The following RBFOX1 variants were observed in gnomAD, a reference collection of about 807,000 sequenced individuals.
RBFOX1 encodes the protein RNA binding protein fox-1 homolog 1.
Under a neutral mutation model 57.7 loss-of-function variants are expected in RBFOX1, and 8 were observed. That is an observed-to-expected ratio of 0.14 (90% confidence interval 0.08 to 0.25). The LOEUF is 0.25. Ranked by LOEUF, RBFOX1 falls within the 10% of genes least tolerant of loss-of-function variation. RBFOX1 has a pLI of 1.00. For synonymous variants in RBFOX1, 326 were observed against 222.4 expected, an observed-to-expected ratio of 1.47 and a Z score of -4.15; for missense variants, 611 against 548.5, an observed-to-expected ratio of 1.11 and a Z score of -1.14.
At chr16:5,885,074 C>G (rs141698500) in intron 4 of RBFOX1, among the ~76,000 whole-genome samples, 173 of 152,236 alleles carry the variant, frequency 1.1e-3, no homozygotes, top group African/African-American at 4.0e-3. Flanking sequence ...CTTCGGGTCT[C>G]TTGTAGATGA....
chr16:7,514,706 TG>T, intron 4 of RBFOX1, among the ~76,000 whole-genome samples: 1 of 152,078 alleles, frequency 6.6e-6, no homozygotes, highest in Non-Finnish European at 1.5e-5. Flanking sequence ...GAAGACTTGA[TG>T]GGGTTGAGAG....
intron 5 of RBFOX1, among the ~76,000 whole-genome samples, chr16:7,534,902 T>C (rs568767348): frequency 5.3e-5 from 8 of 152,302 alleles, no homozygotes; most frequent in African/African-American, 1.4e-4. Flanking sequence ...TTAGCTCGAA[T>C]GTCAAGCGCT....
rs910358580 is a variant in RBFOX1 at position 7,404,186 on chromosome 16, G to C, written c.28-113961G>C. 2.6e-5 allele frequency among the ~76,000 whole-genome samples: 4 copies of C among 151,908 alleles called. No individual in the cohort carries two copies. The South Asian group carries it at 8.3e-4, about 32-fold the overall frequency. ...TCCTGCCTCAGCCTCCTGAGTAGCT[G>C]TGATTACACGTGTGAGACCCCATAC... On this transcript the variant is annotated intron_variant, in intron 4 of 15. Coordinates refer to ENST00000550418, the MANE Select transcript of RBFOX1 (RefSeq NM_018723.4).
intron 4 of RBFOX1, among the ~76,000 whole-genome samples, chr16:7,316,728 G>A (rs1335930619): frequency 6.6e-6 from 1 of 152,118 alleles, no homozygotes; most frequent in Admixed American, 6.5e-5. Context: ...AAGCTGAGAT[G>A]GAGTGGGAGG....
At chr16:6,566,911 G>C (rs887806316) in intron 2 of RBFOX1, among the ~76,000 whole-genome samples, 2 of 152,094 alleles carry the variant, frequency 1.3e-5, no homozygotes, top group African/African-American at 2.4e-5. Context: ...GCAAGTCTTT[G>C]AACATAGACC....
chr16:6,678,016 T>A (rs890252596), intron 3 of RBFOX1, among the ~76,000 whole-genome samples: 4 of 152,212 alleles, frequency 2.6e-5, no homozygotes, highest in African/African-American at 9.7e-5. Flanking sequence ...GTAGCAACAT[T>A]AAAAAAGCTG....
At chr16:6,477,142 A>G (rs2095286241) in intron 2 of RBFOX1, among the ~76,000 whole-genome samples, 1 of 152,190 alleles carries the variant, frequency 6.6e-6, no homozygotes. Flanking sequence ...GAGAGTTGGA[A>G]TCAACTTATT....
intron 11 of RBFOX1, among the ~76,000 whole-genome samples, chr16:7,641,519 T>A (rs1349663807): frequency 1.3e-5 from 2 of 152,226 alleles, no homozygotes; most frequent in African/African-American, 4.8e-5. Context: ...GAGTTTTGTT[T>A]GTATGCAACA....
At chr16:6,743,701 C>T (rs1005901151) in intron 3 of RBFOX1, among the ~76,000 whole-genome samples, 3 of 151,800 alleles carry the variant, frequency 2.0e-5, no homozygotes, top group African/African-American at 7.3e-5. Context: ...TGTCATCACA[C>T]CACTGTATTC....
intron 3 of RBFOX1, among the ~76,000 whole-genome samples, chr16:6,787,444 C>A (rs1406469586): frequency 2.0e-5 from 3 of 152,128 alleles, no homozygotes; most frequent in Admixed American, 1.3e-4. Context: ...TTATTTTTCT[C>A]CTGGTTATAC....
chr16:6,299,869 TCACTAGAAGCC>T (rs1046514753), intron 1 of RBFOX1, among the ~76,000 whole-genome samples: 1 of 152,170 alleles, frequency 6.6e-6, no homozygotes, highest in Non-Finnish European at 1.5e-5. Flanking sequence ...TCAGATGGCT[TCACTAGAAGCC>T]CACACCCTCG....
chr16:5,742,655 G>A lies in RBFOX1; in HGVS notation c.319-124648G>A, dbSNP rs1012622292. Among the ~76,000 whole-genome samples the A allele has an allele frequency of 3.9e-5, 6 of 152,288 alleles. No homozygotes were observed. The South Asian group carries it at 1.2e-3, about 32-fold the overall frequency. On this transcript the variant is annotated intron_variant, in intron 3 of 19. Transcript: ENST00000641259. ...CTTTAGGCAATTAATGCTCAACTAG[G>A]CATAACAGAGTACTGGCCCAGCTGT...
intron 3 of RBFOX1, among the ~76,000 whole-genome samples, chr16:6,966,777 ATCTATCTATCTATCTG>A (rs1235230867): frequency 9.2e-3 from 228 of 24,694 alleles, no homozygotes; most frequent in Non-Finnish European, 0.016. Flanking sequence ...CTATCTATCT[ATCTATCTATCTATCTG>A]TCTGTCTGTC....
intron 6 of RBFOX1, among the ~76,000 whole-genome samples, chr16:7,581,744 T>C (rs888362787): frequency 4.6e-5 from 7 of 152,124 alleles, no homozygotes; most frequent in Non-Finnish European, 1.0e-4. Flanking sequence ...AAAGACAAGT[T>C]CTCACTCTGC....
intron 2 of RBFOX1, among the ~76,000 whole-genome samples, chr16:6,587,229 G>A (rs762647344): frequency 1.3e-5 from 2 of 151,960 alleles, no homozygotes; most frequent in East Asian, 1.9e-4. Context: ...TGCATTTATG[G>A]GTTCACTTCT....
intron 2 of RBFOX1, among the ~76,000 whole-genome samples, chr16:5,548,768 A>G (rs1242757601): frequency 6.6e-6 from 1 of 152,200 alleles, no homozygotes; most frequent in African/African-American, 2.4e-5. Flanking sequence ...GTATATGTCA[A>G]AACTTATCAA....
intron 3 of RBFOX1, among the ~76,000 whole-genome samples, chr16:6,771,795 C>T (rs1454381815): frequency 6.6e-6 from 1 of 152,170 alleles, no homozygotes; most frequent in East Asian, 1.9e-4. Flanking sequence ...ATAAGTTACC[C>T]AGCCTAAAGT....
intron 2 of RBFOX1, among the ~76,000 whole-genome samples, chr16:6,459,509 G>A (rs550914543): frequency 4.6e-5 from 7 of 152,136 alleles, no homozygotes; most frequent in Non-Finnish European, 8.8e-5. Flanking sequence ...AAAGAAAATC[G>A]CTTTAGAGCT....
intron 3 of RBFOX1, among the ~76,000 whole-genome samples, chr16:5,614,811 C>G (rs771192711): frequency 3.3e-5 from 5 of 152,148 alleles, no homozygotes; most frequent in East Asian, 1.9e-4. Flanking sequence ...ATCCGACATT[C>G]ATTCCTGGCC....
Sources: allele counts gnomAD v4.1 joint callset (sites outside exome capture counted in the v4.1 genomes callset), GRCh38; gene constraint gnomAD v4.1.1; transcripts MANE v1.5; gene names NCBI Gene and HGNC (gene_info 2026-07-23, HGNC 2026-07-21).